The following MCU variants were observed in gnomAD, a reference collection of about 807,000 sequenced individuals.
MCU encodes the protein mitochondrial calcium uniporter, also known as calcium uniporter protein, mitochondrial.
A neutral mutation model predicts 45.2 loss-of-function variants in MCU; 12 were observed. The observed-to-expected ratio is 0.27, with a 90% CI of 0.17 to 0.43. MCU has a LOEUF of 0.43. MCU is among the 20% of genes least tolerant of loss of function. The probability of loss-of-function intolerance (pLI) is 1.00; values close to 1 mark genes in which losing one functional copy is unlikely to be tolerated. For synonymous variants in MCU, 160 were observed against 165.1 expected (o/e 0.97, Z 0.24); for missense variants, 324 against 436.7 (o/e 0.74, Z 2.30).
intron 1 of MCU, among the ~76,000 whole-genome samples, chr10:72,781,171 T>G (rs1564554893): frequency 6.6e-6 from 1 of 152,234 alleles, no homozygotes; most frequent in African/African-American, 2.4e-5. Flanking sequence ...GTGTTGTTAC[T>G]GGTAATCAGG....
At chr10:72,763,611 T>C (rs1174455950) in intron 1 of MCU, among the ~76,000 whole-genome samples, 1 of 152,144 alleles carries the variant, frequency 6.6e-6, no homozygotes, top group Admixed American at 6.6e-5. Flanking sequence ...GGTGGGACTT[T>C]GCATACTGTG....
chr10:72,720,831 T>C (rs1331467551), intron 1 of MCU, among the ~76,000 whole-genome samples: 1 of 152,160 alleles, frequency 6.6e-6, no homozygotes, highest in African/African-American at 2.4e-5. Context: ...CCTTAATAGC[T>C]GAAGATATGT....
chr10:72,754,223 G>C (rs1843542772), intron 1 of MCU, among the ~76,000 whole-genome samples: 1 of 152,164 alleles, frequency 6.6e-6, no homozygotes, highest in African/African-American at 2.4e-5. Flanking sequence ...AACATGGGCA[G>C]AATTTCAGCC....
At chr10:72,779,317 T>TA (rs575995351) in intron 1 of MCU, among the ~76,000 whole-genome samples, 143 of 152,322 alleles carry the variant, frequency 9.4e-4, no homozygotes, top group African/African-American at 2.8e-3. Flanking sequence ...ATGTAGGAGT[T>TA]ACGACAATAA....
chr10:72,747,222 T>C (rs1427823735), intron 1 of MCU, among the ~76,000 whole-genome samples: 1 of 152,196 alleles, frequency 6.6e-6, no homozygotes, highest in Non-Finnish European at 1.5e-5. Flanking sequence ...TCCACTGTTG[T>C]GTTGTTTGCA....
At chr10:72,815,660 G>A (rs776883088) in intron 1 of MCU, among the ~76,000 whole-genome samples, 2 of 152,114 alleles carry the variant, frequency 1.3e-5, no homozygotes, top group African/African-American at 4.8e-5. Context: ...ATTAATACAC[G>A]GATGTGCTCT....
chr10:72,824,710 TCAAA>T (rs1441171721), intron 1 of MCU, among the ~76,000 whole-genome samples: 1 of 152,224 alleles, frequency 6.6e-6, no homozygotes, highest in African/African-American at 2.4e-5. Flanking sequence ...AGTTTCACAC[TCAAA>T]CAACACATGG....
In MCU at chr10:72,751,341, CTTTTTTTTTTTTTTTTTTT is replaced by C. The variant is rs71021528; in HGVS notation, c.150+59052_150+59070del. Among the ~76,000 whole-genome samples, 287 of 44,764 alleles carry C rather than the reference CTTTTTTTTTTTTTTTTTTT, an allele frequency of 6.4e-3. 6 individuals are homozygous for C. The highest frequency in any genetic ancestry group is 8.0e-3 in the Non-Finnish European group (192 of 23,964). 29.4% of individuals were successfully genotyped at this position (44,764 alleles called of 152,430 possible). A position where few individuals can be genotyped will look rare whatever the true frequency, so the allele number is the denominator to read the frequency against. ...TTTTCTCTAACATCTTCTTCTTCTT[CTTTTTTTTTTTTTTTTTTT>C]TTTTTTTTTTTGAGACAGAGTCTCA... On this transcript the variant is annotated intron_variant, in intron 1 of 7. Transcript: ENST00000373053.
chr10:72,810,502 T>C (rs2132799469), intron 1 of MCU, among the ~76,000 whole-genome samples: 1 of 145,330 alleles, frequency 6.9e-6, no homozygotes. Context: ...AGTTTCGCTC[T>C]TGTTGCCCAG....
chr10:72,751,898 G>A (rs1428159280), intron 1 of MCU, among the ~76,000 whole-genome samples: 5 of 151,616 alleles, frequency 3.3e-5, no homozygotes, highest in African/African-American at 9.7e-5. Context: ...GGAGTGCAGT[G>A]GTGCCATCTC....
chr10:72,801,626 T>G (rs1264713267), intron 1 of MCU, among the ~76,000 whole-genome samples: 1 of 151,814 alleles, frequency 6.6e-6, no homozygotes, highest in Non-Finnish European at 1.5e-5. Flanking sequence ...TCTAACATCC[T>G]GTTTCCTGAT....
chr10:72,835,449 A>C (rs958196520), intron 2 of MCU, among the ~76,000 whole-genome samples: 3 of 152,254 alleles, frequency 2.0e-5, no homozygotes, highest in Non-Finnish European at 2.9e-5. Context: ...ATTCGTAAGC[A>C]TAACAACCAC....
chr10:72,749,749 T>G (rs1843466775), intron 1 of MCU, among the ~76,000 whole-genome samples: 2 of 151,900 alleles, frequency 1.3e-5, no homozygotes, highest in Non-Finnish European at 2.9e-5. Context: ...AGTTAAAGGG[T>G]GCTGTTGTAG....
At chr10:72,844,158 G>A (rs944976581) in intron 2 of MCU, among the ~76,000 whole-genome samples, 10 of 151,950 alleles carry the variant, frequency 6.6e-5, no homozygotes, top group African/African-American at 1.9e-4. Flanking sequence ...GGGCCAAGGC[G>A]GGCAGATCAC....
intron 1 of MCU, among the ~76,000 whole-genome samples, chr10:72,784,829 A>G (rs1381965903): frequency 6.6e-6 from 1 of 152,124 alleles, no homozygotes; most frequent in Non-Finnish European, 1.5e-5. Context: ...CCCTCCTACC[A>G]AGAGTATTTT....
At chr10:72,879,534 T>G (rs932012868) in intron 6 of MCU, among the ~76,000 whole-genome samples, 4 of 152,190 alleles carry the variant, frequency 2.6e-5, no homozygotes, top group African/African-American at 9.7e-5. Context: ...TAAAGACATT[T>G]TCAGACAGAG....
chr10:72,763,351 A>G (rs1244281420), intron 1 of MCU, among the ~76,000 whole-genome samples: 1 of 152,114 alleles, frequency 6.6e-6, no homozygotes, highest in Admixed American at 6.6e-5. Context: ...GCCCAGGAAA[A>G]GCTTCGAGGA....
intron 1 of MCU, among the ~76,000 whole-genome samples, chr10:72,833,818 G>A (rs117647052): frequency 0.014 from 2,122 of 152,218 alleles, 27 homozygotes; most frequent in Middle Eastern, 0.02. Context: ...ACTCTGAAGC[G>A]GTCGTGATTA....
chr10:72,796,969 G>A (rs780519860), intron 1 of MCU, among the ~76,000 whole-genome samples: 16 of 151,926 alleles, frequency 1.1e-4, no homozygotes, highest in Non-Finnish European at 1.9e-4. Flanking sequence ...AGAATTTATT[G>A]ATGTTTTCTT....
Sources: allele counts gnomAD v4.1 joint callset (sites outside exome capture counted in the v4.1 genomes callset), GRCh38; gene constraint gnomAD v4.1.1; transcripts MANE v1.5; gene names NCBI Gene and HGNC (gene_info 2026-07-23, HGNC 2026-07-21).